SPATA17: variants seen among roughly 807,000 people sequenced by gnomAD.
The protein encoded by SPATA17 is spermatogenesis associated 17.
SPATA17 carries 53 observed loss-of-function variants against 62.2 expected under a neutral mutation model. The ratio of observed to expected loss-of-function variants is 0.85; its 90% CI spans 0.68 to 1.07. SPATA17 has a LOEUF of 1.07. Among genes scored for constraint, SPATA17 ranks in the 50% least tolerant of loss-of-function variants. The pLI is 0.00. For synonymous variants in SPATA17, 146 were observed against 146.8 expected, an observed-to-expected ratio of 0.99 and a Z score of 0.04; for missense variants, 466 against 425.5, an observed-to-expected ratio of 1.10 and a Z score of -0.84.
intron 5 of SPATA17, among the ~76,000 whole-genome samples, chr1:217,694,314 C>T (rs1671405788): frequency 1.6e-5 from 2 of 125,404 alleles, no homozygotes; most frequent in African/African-American, 3.3e-5. Context: ...AGGATTGCAA[C>T]CCCTGCCTTT....
chr1:217,673,126 C>G (rs1571721647), intron 4 of SPATA17, among the ~76,000 whole-genome samples: 1 of 151,940 alleles, frequency 6.6e-6, no homozygotes, highest in South Asian at 2.1e-4. Flanking sequence ...TTTTGATTAT[C>G]TGACTATACT....
chr1:217,789,833 G>A (rs921369846), intron 8 of SPATA17, among the ~76,000 whole-genome samples: 1 of 152,018 alleles, frequency 6.6e-6, no homozygotes, highest in Admixed American at 6.6e-5. Context: ...TCAGGAGTTC[G>A]AGACCAGCCA....
intron 5 of SPATA17, among the ~76,000 whole-genome samples, chr1:217,684,922 G>T (rs1208502041): frequency 6.6e-6 from 1 of 152,096 alleles, no homozygotes; most frequent in Non-Finnish European, 1.5e-5. Context: ...TTGTTAATTT[G>T]ATTTCTTTAG....
intron 3 of SPATA17, among the ~76,000 whole-genome samples, chr1:217,658,863 C>A (rs1670502608): frequency 6.6e-6 from 1 of 152,166 alleles, no homozygotes; most frequent in Non-Finnish European, 1.5e-5. Context: ...GGCAGTGCAA[C>A]TATTTTGGAA....
At chr1:217,675,777 A>G (rs1670934245) in intron 4 of SPATA17, among the ~76,000 whole-genome samples, 2 of 152,190 alleles carry the variant, frequency 1.3e-5, no homozygotes, top group Admixed American at 1.3e-4. Flanking sequence ...AGGAAAGGGA[A>G]TCACAGAAAG....
At chr1:217,659,170 G>T (rs1455695864) in intron 3 of SPATA17, among the ~76,000 whole-genome samples, 2 of 149,028 alleles carry the variant, frequency 1.3e-5, no homozygotes, top group Non-Finnish European at 3.0e-5. Flanking sequence ...CAATTTAAAG[G>T]AGACTTTGCC....
In SPATA17 at chr1:217,650,026, G is replaced by A. The variant is rs1439012335; in HGVS notation, c.158+1055G>A. 2.8e-5 allele frequency among the ~76,000 whole-genome samples: 4 copies of A among 141,940 alleles called. No homozygotes were observed. The Admixed American group carries it at 3.0e-4, about 11-fold the overall frequency. 93.1% of individuals were successfully genotyped at this position (141,940 alleles called of 152,430 possible). On this transcript the variant is annotated intron_variant, in intron 2 of 10. Transcript: ENST00000366933. ...ACCATTTCGGTTCACCGCAACCTCC[G>A]CCTCCCAGATTCAAGCGATTCTCCT...
rs1222561491 is a variant in SPATA17, at chr1:217,782,426, A to C, written c.872+104A>C. ...GTAAAAAATCTTTTATTTGTGAGAAAAGGTAAAGCCACCCCTGACCTGTTC... is the reference window on the plus strand; with the variant it reads ...GTAAAAAATCTTTTATTTGTGAGAACAGGTAAAGCCACCCCTGACCTGTTC... On this transcript the variant is annotated intron_variant, in intron 8 of 10. Transcript: ENST00000366933. The C allele has an allele frequency of 2.3e-6, 3 of 1,294,612 alleles. No individual in the cohort carries two copies. In the East Asian group the frequency reaches 8.0e-5, roughly 35 times the overall value. 80.2% of individuals were successfully genotyped at this position (1,294,612 alleles called of 1,614,324 possible).
Position 217,871,465 on chromosome 1 carries a change from G to A in SPATA17, c.*4446G>A, listed in dbSNP as rs1676127710. 6.6e-6 allele frequency: 1 copy of A among 151,768 alleles called. No individual in the cohort carries two copies. The highest frequency in any genetic ancestry group is 1.5e-5 in the Non-Finnish European group (1 of 67,970). The allele number at this position is 151,768 out of a possible 1,614,324, so 9.4% of individuals were successfully genotyped here. On this transcript the variant is annotated 3_prime_UTR_variant, in exon 11 of 11. Transcript: ENST00000366933. ...TTTTAAGCTGGCTCAAAGCCTTTTA[G>A]GAACAATAAGTTACTGAATTATATG...
chr1:217,811,225 G>A (rs1479997681), intron 9 of SPATA17, among the ~76,000 whole-genome samples: 1 of 151,778 alleles, frequency 6.6e-6, no homozygotes, highest in African/African-American at 2.4e-5. Context: ...GTAGAGATGG[G>A]GTTTAACCAT....
intron 8 of SPATA17, among the ~76,000 whole-genome samples, chr1:217,793,780 A>G (rs768594815): frequency 6.6e-6 from 1 of 152,152 alleles, no homozygotes; most frequent in Non-Finnish European, 1.5e-5. Context: ...ACTGGCTACA[A>G]GAAGTGAATG....
chr1:217,838,916 A>T (rs1208468886), intron 9 of SPATA17, among the ~76,000 whole-genome samples: 2 of 152,120 alleles, frequency 1.3e-5, no homozygotes, highest in Non-Finnish European at 1.5e-5. Context: ...TGTTTTGCTG[A>T]TCTAAAGTAA....
chr1:217,784,100 T>G (rs1357690285), intron 8 of SPATA17, among the ~76,000 whole-genome samples: 4 of 152,110 alleles, frequency 2.6e-5, no homozygotes, highest in Admixed American at 6.5e-5. Flanking sequence ...TTTTTTTTCA[T>G]AGCTTCTTCT....
intron 4 of SPATA17, among the ~76,000 whole-genome samples, chr1:217,679,803 T>G: frequency 6.6e-6 from 1 of 152,150 alleles, no homozygotes; most frequent in East Asian, 1.9e-4. Context: ...GAGCCCACAT[T>G]GTTGGATTTT....
intron 5 of SPATA17, among the ~76,000 whole-genome samples, chr1:217,696,644 A>G (rs1443297716): frequency 6.6e-6 from 1 of 152,162 alleles, no homozygotes; most frequent in Non-Finnish European, 1.5e-5. Context: ...TCTGCATCTG[A>G]TAATTGTAAT....
At chr1:217,702,996 C>T (rs1314338826) in intron 5 of SPATA17, among the ~76,000 whole-genome samples, 1 of 151,630 alleles carries the variant, frequency 6.6e-6, no homozygotes. Context: ...TCTGCCTCAG[C>T]CTCCTGAGTA....
intron 9 of SPATA17, among the ~76,000 whole-genome samples, chr1:217,860,508 T>A (rs1675877170): frequency 6.6e-6 from 1 of 152,174 alleles, no homozygotes; most frequent in South Asian, 2.1e-4. Context: ...CAATAATGAA[T>A]TTGTCTATTT....
At chr1:217,659,263 G>C (rs1344407251) in intron 3 of SPATA17, among the ~76,000 whole-genome samples, 1 of 150,978 alleles carries the variant, frequency 6.6e-6, no homozygotes, top group Non-Finnish European at 1.5e-5. Context: ...AGTTAACATA[G>C]GCTCTGAAGG....
At chr1:217,710,341 A>G (rs1173030388) in intron 5 of SPATA17, among the ~76,000 whole-genome samples, 1 of 152,164 alleles carries the variant, frequency 6.6e-6, no homozygotes, top group East Asian at 1.9e-4. Flanking sequence ...CTACAGAGTT[A>G]CAGATTGGTA....
Sources: allele counts gnomAD v4.1 joint callset (sites outside exome capture counted in the v4.1 genomes callset), GRCh38; gene constraint gnomAD v4.1.1; transcripts MANE v1.5; gene names NCBI Gene and HGNC (gene_info 2026-07-23, HGNC 2026-07-21).